Variants in ROBO2 observed in about 807,000 individuals in gnomAD.
The protein encoded by ROBO2 is roundabout guidance receptor 2.
In ROBO2, 53 loss-of-function variants were observed where a neutral mutation model predicts 160.8. The ratio of observed to expected loss-of-function variants is 0.33; its 90% confidence interval spans 0.26 to 0.41. The LOEUF (loss-of-function observed/expected upper bound fraction) is 0.41, where lower values mean the gene tolerates loss of function less well. ROBO2 is among the 10% of genes least tolerant of loss of function. ROBO2 has a pLI of 1.00. For missense variants in ROBO2, 1,577 were observed against 1,722.4 expected (o/e 0.92, Z 1.49); for synonymous variants, 664 against 611.7 (o/e 1.09, Z -1.26).
At chr3:76,020,821 A>C (rs912318240) in intron 2 of ROBO2, among the ~76,000 whole-genome samples, 4 of 151,880 alleles carry the variant, frequency 2.6e-5, no homozygotes, top group Non-Finnish European at 5.9e-5. Context: ...AGTTTGTTAA[A>C]GTGTGAATCT....
At chr3:76,070,802 C>T (rs936455855) in intron 2 of ROBO2, among the ~76,000 whole-genome samples, 4 of 151,926 alleles carry the variant, frequency 2.6e-5, no homozygotes, top group Non-Finnish European at 4.4e-5. Context: ...TCAAGCCGGC[C>T]GGCACTTAGG....
intron 2 of ROBO2, among the ~76,000 whole-genome samples, chr3:76,727,864 C>T (rs539036148): frequency 1.8e-4 from 28 of 151,916 alleles, no homozygotes; most frequent in Non-Finnish European, 3.7e-4. Flanking sequence ...TAGTTAACAA[C>T]AATGTATGGT....
At chr3:77,135,852 T>A (rs2076235814) in intron 2 of ROBO2, among the ~76,000 whole-genome samples, 1 of 152,134 alleles carries the variant, frequency 6.6e-6, no homozygotes, top group Non-Finnish European at 1.5e-5. Context: ...TATTTTAACA[T>A]CAGTAAACAA....
chr3:77,516,647 T>A (rs749734983), intron 5 of ROBO2, among the ~76,000 whole-genome samples: 1 of 146,788 alleles, frequency 6.8e-6, no homozygotes, highest in Non-Finnish European at 1.5e-5. Flanking sequence ...ATGTGTAGAT[T>A]GCCACTCAAA....
intron 2 of ROBO2, among the ~76,000 whole-genome samples, chr3:76,834,896 T>A (rs2067542897): frequency 6.6e-6 from 1 of 152,182 alleles, no homozygotes; most frequent in Non-Finnish European, 1.5e-5. Context: ...TTACAACATT[T>A]GCCGTTCTGT....
intron 2 of ROBO2, among the ~76,000 whole-genome samples, chr3:76,617,709 G>T (rs1437331234): frequency 2.0e-5 from 3 of 152,014 alleles, no homozygotes; most frequent in African/African-American, 4.8e-5. Context: ...ACCTGTATTA[G>T]TCTGTTTTTA....
chr3:75,944,876 TTATCTTCC>T (rs1415787724), intron 2 of ROBO2, among the ~76,000 whole-genome samples: 2 of 152,176 alleles, frequency 1.3e-5, no homozygotes, highest in Admixed American at 6.6e-5. Context: ...CTCCACCTAG[TTATCTTCC>T]TACTTTCTGT....
chr3:77,270,305 A>C (rs2059405495), intron 2 of ROBO2, among the ~76,000 whole-genome samples: 1 of 152,140 alleles, frequency 6.6e-6, no homozygotes, highest in African/African-American at 2.4e-5. Context: ...TGTAAGTAAG[A>C]CTCTGCCACA....
chr3:77,419,095 G>A (rs1299256691), intron 2 of ROBO2, among the ~76,000 whole-genome samples: 3 of 152,032 alleles, frequency 2.0e-5, no homozygotes, highest in Admixed American at 6.6e-5. Flanking sequence ...AAAAATAATA[G>A]TTTCTCACTA....
chr3:76,956,501 G>A (rs1168728173), intron 2 of ROBO2, among the ~76,000 whole-genome samples: 1 of 150,460 alleles, frequency 6.6e-6, no homozygotes, highest in Non-Finnish European at 1.5e-5. Context: ...AGCTTGCAGT[G>A]AGCCGAGATC....
chr3:75,954,391 A>G (rs1314737289), intron 2 of ROBO2, among the ~76,000 whole-genome samples: 1 of 151,892 alleles, frequency 6.6e-6, no homozygotes, highest in Non-Finnish European at 1.5e-5. Flanking sequence ...CACACAGAAC[A>G]GAAACATAAA....
chr3:76,548,140 T>C (rs1322534391), intron 2 of ROBO2, among the ~76,000 whole-genome samples: 1 of 152,148 alleles, frequency 6.6e-6, no homozygotes, highest in Non-Finnish European at 1.5e-5. Flanking sequence ...ATTCAGAATA[T>C]TTCTTTTAAT....
At chr3:77,249,953 C>A (rs1359766455) in intron 2 of ROBO2, among the ~76,000 whole-genome samples, 1 of 151,552 alleles carries the variant, frequency 6.6e-6, no homozygotes. Flanking sequence ...AAGAACTCTG[C>A]ATTTAAGGAA....
intron 2 of ROBO2, among the ~76,000 whole-genome samples, chr3:76,132,316 G>T (rs2071252577): frequency 7.2e-6 from 1 of 138,922 alleles, no homozygotes; most frequent in Non-Finnish European, 1.5e-5. Flanking sequence ...AAACTGAAGA[G>T]ATTTAGTGCC....
intron 2 of ROBO2, among the ~76,000 whole-genome samples, chr3:76,282,121 A>G (rs943598516): frequency 1.3e-5 from 2 of 152,010 alleles, no homozygotes; most frequent in African/African-American, 2.4e-5. Context: ...AAGTGTCTCA[A>G]AAGTAATTAT....
intron 6 of ROBO2, among the ~76,000 whole-genome samples, chr3:77,544,684 T>C (rs2092628199): frequency 6.6e-6 from 1 of 152,084 alleles, no homozygotes; most frequent in Non-Finnish European, 1.5e-5. Flanking sequence ...CTGAAATGAT[T>C]TCCAGTGACA....
chr3:76,794,060 G>C (rs925414360), intron 2 of ROBO2, among the ~76,000 whole-genome samples: 2 of 151,764 alleles, frequency 1.3e-5, no homozygotes, highest in African/African-American at 4.8e-5. Flanking sequence ...TGGTTCTAAT[G>C]CCTTGAATCT....
At chr3:76,634,304 A>T (rs2090191433) in intron 2 of ROBO2, among the ~76,000 whole-genome samples, 1 of 152,278 alleles carries the variant, frequency 6.6e-6, no homozygotes, top group South Asian at 2.1e-4. Context: ...ACAGTGGCTT[A>T]TGCCTGTAAT....
chr3:76,257,276 A>G (rs1017229835), intron 2 of ROBO2, among the ~76,000 whole-genome samples: 1 of 150,608 alleles, frequency 6.6e-6, no homozygotes, highest in Non-Finnish European at 1.5e-5. Context: ...AGTTTCTTCT[A>G]TGTGTGCACA....
Sources: gnomAD v4.1 joint callset for allele counts (sites outside exome capture counted in the v4.1 genomes callset) on GRCh38, gnomAD v4.1.1 for gene constraint, MANE v1.5 for transcripts, NCBI Gene and HGNC (gene_info 2026-07-23, HGNC 2026-07-21) for gene names.